TMPRSS15: variants seen among roughly 807,000 people sequenced by gnomAD.
TMPRSS15 encodes transmembrane serine protease 15.
A neutral mutation model predicts 125.3 loss-of-function variants in TMPRSS15; 128 were observed. The observed-to-expected ratio is 1.02, with a 90% CI of 0.89 to 1.18. The LOEUF (loss-of-function observed/expected upper bound fraction) is 1.18. Among genes scored for constraint, TMPRSS15 ranks in the 50% most tolerant of loss-of-function variants. The pLI, the probability that TMPRSS15 is intolerant of heterozygous loss-of-function variation, is 0.00. For synonymous variants in TMPRSS15, 446 were observed against 423.2 expected, an observed-to-expected ratio of 1.05 and a Z score of -0.66; for missense variants, 1,283 against 1,212.7, an observed-to-expected ratio of 1.06 and a Z score of -0.86.
At position 18,278,767 on chromosome 21, in the gene TMPRSS15, A is replaced by G. The variant is rs967778954; in HGVS notation, c.2764+197T>C. 7.2e-5 allele frequency among the ~76,000 whole-genome samples: 11 copies of G among 152,150 alleles called. 1 individual carries two copies. Among genetic ancestry groups the G allele is most frequent in the Admixed American group, 7.2e-4 (11 of 15,266 alleles). On this transcript the variant is annotated intron_variant, in intron 23 of 24. Coordinates refer to ENST00000284885, the MANE Select transcript of TMPRSS15 (RefSeq NM_002772.3). ...CTACAAATATAAAAACTCTGCAAGT[A>G]TATCTTTGAAAGCTCTACAGATACA...
chr21:18,370,629 G>A (rs187947705), intron 6 of TMPRSS15, among the ~76,000 whole-genome samples: 11 of 152,166 alleles, frequency 7.2e-5, no homozygotes, highest in Admixed American at 5.2e-4. Context: ...AAAATATTCC[G>A]CAGCCTGCAC....
At chr21:18,477,932 G>T (rs185418682) in intron 1 of TMPRSS15, among the ~76,000 whole-genome samples, 1 of 151,990 alleles carries the variant, frequency 6.6e-6, no homozygotes, top group Admixed American at 6.6e-5. Context: ...ATTAGGAAAG[G>T]TTCCTTAATC....
rs575275248 is a variant in TMPRSS15, at chr21:18,440,321, C to A, written c.11-41992G>T. ...CCGGGAGGCGGAGCTTGCAGTGAGT[C>A]GAGATCGCGCCACTGCACTCCAGCC... On this transcript the variant is annotated intron_variant, in intron 1 of 7. Transcript: ENST00000422787. Among the ~76,000 whole-genome samples, 1,230 of 128,142 alleles carry A rather than the reference C, an allele frequency of 9.6e-3. 19 individuals are homozygous for A. The highest frequency in any genetic ancestry group is 0.034 in the African/African-American group (1,161 of 34,090). The allele number at this position is 128,142 out of a possible 152,430, so 84.1% of individuals were successfully genotyped here. A position where few individuals can be genotyped will look rare whatever the true frequency, so the allele number is the denominator to read the frequency against.
intron 18 of TMPRSS15, among the ~76,000 whole-genome samples, chr21:18,303,467 T>C (rs984513051): frequency 6.6e-6 from 1 of 152,192 alleles, no homozygotes; most frequent in Non-Finnish European, 1.5e-5. Context: ...CTTCATCTCA[T>C]AGAATATATA....
chr21:18,343,697 A>G (rs965159438), intron 11 of TMPRSS15, 41 bp from the exon 12 acceptor site: 5 of 1,583,592 alleles, frequency 3.2e-6, no homozygotes, highest in Admixed American at 1.7e-5. Context: ...TTCCTACAAC[A>G]TTAGAATAAG....
chr21:18,356,137 G>A (rs1461847083), intron 8 of TMPRSS15, among the ~76,000 whole-genome samples: 1 of 151,860 alleles, frequency 6.6e-6, no homozygotes, highest in African/African-American at 2.4e-5. Context: ...ACTCTTAAAT[G>A]TGAATTAACT....
intron 18 of TMPRSS15, among the ~76,000 whole-genome samples, chr21:18,306,537 G>C (rs925823368): frequency 4.6e-5 from 7 of 151,968 alleles, no homozygotes; most frequent in Non-Finnish European, 8.8e-5. Context: ...GAAGTATCTT[G>C]GACAGGACTA....
At chr21:18,367,694 A>T (rs1431791103) in intron 6 of TMPRSS15, among the ~76,000 whole-genome samples, 21 of 152,196 alleles carry the variant, frequency 1.4e-4, no homozygotes, top group Admixed American at 1.4e-3. Context: ...ATAACTGCCA[A>T]CATTTATAGA....
intron 21 of TMPRSS15, among the ~76,000 whole-genome samples, chr21:18,293,005 A>ATGGTGC (rs1213906041): frequency 2.6e-5 from 4 of 152,132 alleles, no homozygotes; most frequent in African/African-American, 9.7e-5. Flanking sequence ...TGTAGATGGG[A>ATGGTGC]TGGTGCTGTC....
intron 3 of TMPRSS15, among the ~76,000 whole-genome samples, chr21:18,387,499 A>C (rs1026644179): frequency 5.3e-5 from 8 of 152,124 alleles, no homozygotes; most frequent in African/African-American, 1.7e-4. Context: ...AAAATAATCA[A>C]ATGCTAAATG....
rs1031043280 is a variant in TMPRSS15, at chr21:18,423,446, T to C, written c.11-25117A>G. Among the ~76,000 whole-genome samples, 396 of 150,656 alleles carry C rather than the reference T, an allele frequency of 2.6e-3. 1 individual carries two copies. The highest frequency in any genetic ancestry group is 9.2e-3 in the African/African-American group (379 of 41,082). On this transcript the variant is annotated intron_variant, in intron 1 of 7. Transcript: ENST00000422787. ...TTTTTTGAGACAGAGTCTCGCTCTG[T>C]CGCCCAGGCTGGAGTGCAGTGGCGC...
In TMPRSS15 at chr21:18,457,429, C is replaced by T. The variant is rs554062841; in HGVS notation, c.10+28370G>A. ...TTTATAAAGGAAAAGCAACTTATTA[C>T]GTTGGAATGGGTGCTGATGGGGACT... On this transcript the variant is annotated intron_variant, in intron 1 of 7. Coordinates refer to the TMPRSS15 transcript ENST00000422787. 5.3e-5 allele frequency among the ~76,000 whole-genome samples: 8 copies of T among 152,004 alleles called. No homozygotes were observed. The East Asian group carries it at 1.5e-3, about 29-fold the overall frequency.
upstream of TMPRSS15, among the ~76,000 whole-genome samples, chr21:18,404,915 T>C (rs578242206): frequency 2.0e-5 from 3 of 152,132 alleles, no homozygotes; most frequent in East Asian, 3.9e-4. Flanking sequence ...CTTAAATATA[T>C]ATATGAAATA....
intron 1 of TMPRSS15, among the ~76,000 whole-genome samples, chr21:18,431,884 T>C (rs1327450590): frequency 6.6e-6 from 1 of 152,200 alleles, no homozygotes; most frequent in African/African-American, 2.4e-5. Context: ...AATTCTTCTA[T>C]GCTACTTCCA....
At position 18,420,565 on chromosome 21, in the gene TMPRSS15, ATT is replaced by A. The variant is rs550909402; in HGVS notation, c.11-22238_11-22237del. Among the ~76,000 whole-genome samples the A allele has an allele frequency of 5.6e-3, 855 of 152,346 alleles. 7 individuals are homozygous for A. Among genetic ancestry groups the A allele is most frequent in the Non-Finnish European group, 9.6e-3 (652 of 68,030 alleles). ...AGTAATTTGCCTTTGACTTAGTGAT[ATT>A]TGTCATTGTTAAAGCTGTCACACTA... is the stretch of plus-strand genomic sequence containing the variant. On this transcript the variant is annotated intron_variant, in intron 1 of 7. Coordinates refer to the TMPRSS15 transcript ENST00000422787.
At chr21:18,297,147 C>T (rs1250496883) in intron 19 of TMPRSS15, among the ~76,000 whole-genome samples, 1 of 152,122 alleles carries the variant, frequency 6.6e-6, no homozygotes, top group Non-Finnish European at 1.5e-5. Flanking sequence ...TTAGCTAAAA[C>T]AGATCTTTGA....
intron 1 of TMPRSS15, among the ~76,000 whole-genome samples, chr21:18,440,368 G>A (rs1296367967): frequency 5.1e-4 from 4 of 7,780 alleles, no homozygotes; most frequent in East Asian, 4.7e-3. Context: ...GCGAAACTCC[G>A]TCTCAAAAAA....
chr21:18,423,792 G>A (rs1264597872), intron 1 of TMPRSS15, among the ~76,000 whole-genome samples: 1 of 152,006 alleles, frequency 6.6e-6, no homozygotes. Flanking sequence ...GCATCTCTAT[G>A]AAACTGAGAA....
intron 1 of TMPRSS15, among the ~76,000 whole-genome samples, chr21:18,455,478 T>C (rs1978424089): frequency 6.6e-6 from 1 of 152,202 alleles, no homozygotes; most frequent in Non-Finnish European, 1.5e-5. Flanking sequence ...AGGAAATATT[T>C]AGGCTGATGA....
Sources: allele counts gnomAD v4.1 joint callset (sites outside exome capture counted in the v4.1 genomes callset), GRCh38; gene constraint gnomAD v4.1.1; transcripts MANE v1.5; gene names NCBI Gene and HGNC (gene_info 2026-07-23, HGNC 2026-07-21).